The following PAX8 variants were observed in gnomAD, a reference collection of about 807,000 sequenced individuals.
PAX8 encodes the protein paired box protein Pax-8.
Under a neutral mutation model 52.4 loss-of-function variants are expected in PAX8, and 15 were observed. The observed-to-expected ratio is 0.29, with a 90% CI of 0.19 to 0.44. The LOEUF (loss-of-function observed/expected upper bound fraction) is 0.44, where lower values mean the gene tolerates loss of function less well. PAX8 is among the 20% of genes least tolerant of loss of function. The pLI, the probability that PAX8 is intolerant of heterozygous loss-of-function variation, is 1.00. For missense variants in PAX8, 554 were observed against 602.5 expected, an observed-to-expected ratio of 0.92 and a Z score of 0.84; for synonymous variants, 284 against 249.7, an observed-to-expected ratio of 1.14 and a Z score of -1.29.
Position 113,227,195 on chromosome 2 carries a change from C to T in PAX8, c.1149G>A (p.Gln383=). Residue 383 remains glutamine (Q), a synonymous_variant, in exon 10 of 12, where the codon CAG becomes CAA. Coordinates refer to ENST00000429538, the MANE Select transcript of PAX8 (RefSeq NM_003466.4). ...CGATGGCAGAGGAGGCATAGCTGCC[C>T]TGTCCGCTGGTGGGGATGTGGGGTG... ...GYPPHIPTSG[Q]GSYASSAIAG... The T allele has an allele frequency of 6.2e-7, 1 of 1,609,434 alleles. No homozygotes were observed. The highest frequency in any genetic ancestry group is 8.5e-7 in the Non-Finnish European group (1 of 1,178,336).
intron 2 of PAX8, among the ~76,000 whole-genome samples, chr2:113,255,182 CAG>C (rs1429872482): frequency 1.2e-4 from 11 of 94,808 alleles, no homozygotes; most frequent in East Asian, 3.2e-4. Flanking sequence ...GAAGGAGGGA[CAG>C]AGGAATAGAG....
At chr2:113,236,991 G>A (rs1002423972) in intron 7 of PAX8, 2 of 502,018 alleles carry the variant, frequency 4.0e-6, no homozygotes, top group Non-Finnish European at 7.1e-6. Context: ...ACCCTGGTTG[G>A]ATGGCTGGTC....
In PAX8 at chr2:113,218,398, C is replaced by A; in HGVS notation, c.*135G>T. ...TTCATGGTTCATTAAATTAACCACA[C>A]AGGGAGTGTGCCGCAATGCTGGACT... On this transcript the variant is annotated 3_prime_UTR_variant, in exon 12 of 12. Coordinates refer to ENST00000429538, the MANE Select transcript of PAX8 (RefSeq NM_003466.4). 1.8e-6 allele frequency: 1 copy of A among 543,150 alleles called. No homozygotes were observed. 33.6% of individuals were successfully genotyped at this position (543,150 alleles called of 1,614,324 possible). A position where few individuals can be genotyped will look rare whatever the true frequency, so the allele number is the denominator to read the frequency against.
At chr2:113,269,987 G>A (rs931045806) in intron 2 of PAX8, 11 of 152,182 alleles carry the variant, frequency 7.2e-5, no homozygotes, top group African/African-American at 2.7e-4. Flanking sequence ...CTGGTAAGGT[G>A]AACTAAGGCA....
intron 11 of PAX8, among the ~76,000 whole-genome samples, chr2:113,219,261 G>GA (rs983553669): frequency 6.6e-6 from 1 of 152,210 alleles, no homozygotes; most frequent in Non-Finnish European, 1.5e-5. Context: ...AATGGGAGGA[G>GA]AGGGGGTCTT....
At chr2:113,241,824 G>C (rs779530375) in intron 6 of PAX8, 98 bp from the exon 7 acceptor site, 4 of 1,505,624 alleles carry the variant, frequency 2.7e-6, no homozygotes, top group Non-Finnish European at 2.8e-6. Context: ...TCACTGTGGA[G>C]GGAGAAAAAG....
At chr2:113,276,556 C>A (rs1234589215) in intron 2 of PAX8, 1 of 152,092 alleles carries the variant, frequency 6.6e-6, no homozygotes, top group African/African-American at 2.4e-5. Context: ...GGGACTGTTC[C>A]TGATTAAAAC....
chr2:113,233,390 A>C (rs1409745388), intron 9 of PAX8, among the ~76,000 whole-genome samples: 1 of 151,932 alleles, frequency 6.6e-6, no homozygotes, highest in Non-Finnish European at 1.5e-5. Flanking sequence ...GTTATAAAAA[A>C]GGGTCCATGG....
chr2:113,221,476 C>T (rs930667324), intron 10 of PAX8, among the ~76,000 whole-genome samples: 4 of 152,140 alleles, frequency 2.6e-5, no homozygotes, highest in Admixed American at 6.5e-5. Flanking sequence ...GTCACTTAGC[C>T]TCTCTGAGTG....
rs538590834 is a variant in PAX8 at position 113,218,161 on chromosome 2, G to A, written c.*372C>T. Reference sequence around the variant, plus strand: ...TAATGGAGCCATGGAGGTGCCCTGTGCACCCCTTGGGCCCGGGCAGGAACC... The same window carrying A: ...TAATGGAGCCATGGAGGTGCCCTGTACACCCCTTGGGCCCGGGCAGGAACC... On this transcript the variant is annotated 3_prime_UTR_variant, in exon 12 of 12. Transcript: ENST00000429538. 1.8e-4 allele frequency: 46 copies of A among 262,320 alleles called. No individual in the cohort carries two copies. Among genetic ancestry groups the A allele is most frequent in the Non-Finnish European group, 3.0e-4 (41 of 138,290 alleles). The allele number at this position is 262,320 out of a possible 1,614,324, so 16.2% of individuals were successfully genotyped here.
At chr2:113,267,088 T>G (rs1349660173) in intron 2 of PAX8, 1 of 152,240 alleles carries the variant, frequency 6.6e-6, no homozygotes, top group African/African-American at 2.4e-5. Context: ...ATGCCTGAAC[T>G]GCCTGGGGCT....
At chr2:113,235,630 G>A (rs1386006145) in intron 8 of PAX8, 48 bp from the exon 9 acceptor site, 2 of 1,490,976 alleles carry the variant, frequency 1.3e-6, no homozygotes, top group Non-Finnish European at 1.8e-6. Context: ...TGAGATGGCG[G>A]GGAGGGAACA....
chr2:113,258,377 T>G lies in PAX8; in HGVS notation c.26-11458A>C, dbSNP rs185738047. 3.5e-4 allele frequency among the ~76,000 whole-genome samples: 54 copies of G among 152,288 alleles called. 1 individual carries two copies. The highest frequency in any genetic ancestry group is 1.2e-3 in the African/African-American group (51 of 41,548). ...TCAGTGTCTCCCAGTTTCCTTGCTTTCTTTTATTTCCCTCCTGATTGCTGC... is the reference window on the plus strand; with the variant it reads ...TCAGTGTCTCCCAGTTTCCTTGCTTGCTTTTATTTCCCTCCTGATTGCTGC... On this transcript the variant is annotated intron_variant, in intron 2 of 11. Coordinates refer to ENST00000429538, the MANE Select transcript of PAX8 (RefSeq NM_003466.4).
At chr2:113,220,348 T>C in intron 10 of PAX8, 170 bp from the exon 11 acceptor site, 1 of 617,302 alleles carries the variant, frequency 1.6e-6, no homozygotes, top group East Asian at 2.8e-5. Flanking sequence ...GTCATCCCTT[T>C]TGGAACCCAT....
intron 5 of PAX8, 82 bp downstream of exon 5, chr2:113,242,608 G>C: frequency 1.1e-6 from 1 of 916,426 alleles, no homozygotes; most frequent in Non-Finnish European, 1.8e-6. Flanking sequence ...GTGTGTCTGT[G>C]TGTGCCTCTG....
chr2:113,251,092 G>A (rs1417297102), intron 2 of PAX8, among the ~76,000 whole-genome samples: 1 of 152,240 alleles, frequency 6.6e-6, no homozygotes, highest in Non-Finnish European at 1.5e-5. Context: ...GAAAGAGCCT[G>A]CTGGCTGCAG....
chr2:113,229,724 TGAA>T (rs543502712), intron 9 of PAX8, among the ~76,000 whole-genome samples: 42 of 152,212 alleles, frequency 2.8e-4, no homozygotes, highest in Non-Finnish European at 5.7e-4. Flanking sequence ...GAGCTTTCTT[TGAA>T]GAAGAATACA....
At chr2:113,262,152 T>C (rs1158222055) in intron 2 of PAX8, among the ~76,000 whole-genome samples, 1 of 152,142 alleles carries the variant, frequency 6.6e-6, no homozygotes, top group Non-Finnish European at 1.5e-5. Flanking sequence ...TTGTATCAGC[T>C]TGTTTGCTTA....
intron 10 of PAX8, among the ~76,000 whole-genome samples, chr2:113,222,867 C>G (rs1189052641): frequency 6.6e-6 from 1 of 151,890 alleles, no homozygotes; most frequent in Non-Finnish European, 1.5e-5. Context: ...TTCCCTTGAC[C>G]TTTTAGCTCA....
Sources: gnomAD v4.1 joint callset for allele counts (sites outside exome capture counted in the v4.1 genomes callset) on GRCh38, gnomAD v4.1.1 for gene constraint, MANE v1.5 for transcripts, NCBI Gene and HGNC (gene_info 2026-07-23, HGNC 2026-07-21) for gene names.